The following RYR3 variants were observed in gnomAD, a reference collection of about 807,000 sequenced individuals.
RYR3 encodes ryanodine receptor 3.
In RYR3, 207 loss-of-function variants were observed where a neutral mutation model predicts 584.3. That is an observed-to-expected ratio of 0.35 (90% CI 0.32 to 0.40). RYR3 has a LOEUF of 0.40. RYR3 is among the 10% of genes least tolerant of loss of function. The pLI is 1.00. For missense variants in RYR3, 5,616 were observed against 6,089.2 expected, an observed-to-expected ratio of 0.92 and a Z score of 2.59; for synonymous variants, 2,416 against 2,248.5, an observed-to-expected ratio of 1.07 and a Z score of -2.11.
rs903801360 is a variant in RYR3, at chr15:33,401,209, C to T, written c.52-72210C>T. On this transcript the variant is annotated intron_variant, in intron 1 of 103. Coordinates refer to ENST00000634891, the MANE Select transcript of RYR3 (RefSeq NM_001036.6). ...TTGTTGGGGCAATCATCCTGAAGGG[C>T]AAGTGAGCTAAGACATCCTTGAATG... Among the ~76,000 whole-genome samples the T allele has an allele frequency of 3.9e-5, 6 of 152,164 alleles. No individual in the cohort carries two copies. The East Asian group carries it at 1.2e-3, about 29-fold the overall frequency.
At position 33,857,915 on chromosome 15, in the gene RYR3, G is replaced by A; in HGVS notation, c.14142+1G>A. ...TATGAAGTGCGACGACATGATGACG[G>A]TGAGAGCCCACCCACTGCGGGGCCA... On this transcript the variant is annotated splice_donor_variant, in intron 99 of 103. Coordinates refer to ENST00000634891, the MANE Select transcript of RYR3 (RefSeq NM_001036.6). LOFTEE classifies it high-confidence loss of function. The A allele has an allele frequency of 6.2e-7, 1 of 1,613,758 alleles. No homozygotes were observed. Among genetic ancestry groups the A allele is most frequent in the Non-Finnish European group, 8.5e-7 (1 of 1,180,012 alleles).
chr15:33,325,314 C>T (rs569648160), intron 1 of RYR3, among the ~76,000 whole-genome samples: 166 of 152,338 alleles, frequency 1.1e-3, no homozygotes, highest in African/African-American at 3.9e-3. Flanking sequence ...GCCCCCTCCA[C>T]TGGCATGTGT....
chr15:33,658,210 ATCT>A (rs1466918509), intron 32 of RYR3, among the ~76,000 whole-genome samples: 3 of 152,180 alleles, frequency 2.0e-5, no homozygotes, highest in Non-Finnish European at 2.9e-5. Context: ...AGAGCTCAGT[ATCT>A]TCTTCCATGC....
chr15:33,456,081 T>G (rs1035727575), intron 1 of RYR3, among the ~76,000 whole-genome samples: 1 of 152,218 alleles, frequency 6.6e-6, no homozygotes, highest in Non-Finnish European at 1.5e-5. Context: ...TTTATAGTAG[T>G]GTTTAACCCT....
intron 98 of RYR3, 168 bp downstream of exon 98, chr15:33,855,080 C>A: frequency 1.8e-6 from 1 of 547,978 alleles, no homozygotes; most frequent in Non-Finnish European, 2.8e-6. Flanking sequence ...AAATTGTAGC[C>A]AATTAAAAAT....
At chr15:33,515,383 A>G (rs2053420736) in intron 3 of RYR3, among the ~76,000 whole-genome samples, 1 of 152,244 alleles carries the variant, frequency 6.6e-6, no homozygotes, top group Non-Finnish European at 1.5e-5. Flanking sequence ...ACACAAATCC[A>G]TGCTTTATTA....
intron 1 of RYR3, among the ~76,000 whole-genome samples, chr15:33,315,460 A>G (rs2140473504): frequency 6.6e-6 from 1 of 152,302 alleles, no homozygotes; most frequent in African/African-American, 2.4e-5. Context: ...AGATACCCAG[A>G]CATGCAGTGT....
At chr15:33,326,538 AAG>A (rs1222579282) in intron 1 of RYR3, among the ~76,000 whole-genome samples, 5 of 152,320 alleles carry the variant, frequency 3.3e-5, no homozygotes, top group South Asian at 2.1e-4. Flanking sequence ...AAGATTTGAA[AAG>A]AGAGGGAACA....
In RYR3 at chr15:33,750,088, T is replaced by C. The variant is rs151204688; in HGVS notation, c.8275+34T>C. On this transcript the variant is annotated intron_variant, in intron 56 of 103. Coordinates refer to ENST00000634891, the MANE Select transcript of RYR3 (RefSeq NM_001036.6). ...GGTTCACAGCATCCCCTAAAGAAGC[T>C]GAACCGGGGCAGCTATGGTCTCCCA... 10 of 1,608,430 alleles carry C rather than the reference T, an allele frequency of 6.2e-6. No individual in the cohort carries two copies. In the African/African-American group the frequency reaches 1.3e-4, roughly 21 times the overall value.
At position 33,530,580 on chromosome 15, in the gene RYR3, T is replaced by C. The variant is rs375322559; in HGVS notation, c.280-12T>C. ...GGGCATGTGCTGACCTTATTCTTCC[T>C]CATTCCCACAGGCAGCACAAGGAGG... On this transcript the variant is annotated splice_polypyrimidine_tract_variant and intron_variant, in intron 3 of 103. Transcript: ENST00000634891. 1,324 of 1,604,644 alleles carry C rather than the reference T, an allele frequency of 8.3e-4. No homozygotes were observed. Among genetic ancestry groups the C allele is most frequent in the Non-Finnish European group, 1.1e-3 (1,264 of 1,171,818 alleles).
chr15:33,506,174 T>A (rs1374475023), intron 3 of RYR3, among the ~76,000 whole-genome samples: 1 of 152,168 alleles, frequency 6.6e-6, no homozygotes, highest in African/African-American at 2.4e-5. Flanking sequence ...TCATTCATGT[T>A]CCAAGTAGAA....
At chr15:33,590,943 A>G (rs1317113870) in intron 16 of RYR3, among the ~76,000 whole-genome samples, 1 of 152,176 alleles carries the variant, frequency 6.6e-6, no homozygotes, top group Non-Finnish European at 1.5e-5. Context: ...CCTTTCATGG[A>G]AATAACTGCC....
intron 65 of RYR3, among the ~76,000 whole-genome samples, chr15:33,783,663 T>A (rs756401115): frequency 6.6e-6 from 1 of 152,194 alleles, no homozygotes; most frequent in Non-Finnish European, 1.5e-5. Flanking sequence ...AGTTGTAAAT[T>A]TCAGTTGCGT....
At chr15:33,775,238 C>CT in intron 64 of RYR3, among the ~76,000 whole-genome samples, 1 of 152,142 alleles carries the variant, frequency 6.6e-6, no homozygotes, top group Middle Eastern at 3.4e-3. Flanking sequence ...GTCCCTATTG[C>CT]TTTTTTCTGT....
chr15:33,319,154 A>G (rs1968602525), intron 1 of RYR3, among the ~76,000 whole-genome samples: 1 of 152,234 alleles, frequency 6.6e-6, no homozygotes, highest in Non-Finnish European at 1.5e-5. Flanking sequence ...CAGCGGGACT[A>G]CAGGAAGGAA....
chr15:33,506,832 TG>T (rs2052528462), intron 3 of RYR3, among the ~76,000 whole-genome samples: 1 of 152,166 alleles, frequency 6.6e-6, no homozygotes, highest in Non-Finnish European at 1.5e-5. Flanking sequence ...CATTTACTAT[TG>T]GTATTTAATT....
At chr15:33,396,873 C>A (rs1356953948) in intron 1 of RYR3, among the ~76,000 whole-genome samples, 2 of 152,196 alleles carry the variant, frequency 1.3e-5, no homozygotes, top group East Asian at 3.8e-4. Context: ...CCTTCAACCC[C>A]CCTTTATAGA....
chr15:33,486,173 T>A (rs2050401861), intron 2 of RYR3, among the ~76,000 whole-genome samples: 1 of 152,212 alleles, frequency 6.6e-6, no homozygotes, highest in Non-Finnish European at 1.5e-5. Context: ...AGGGCTACTG[T>A]AACAAATTAC....
chr15:33,505,587 G>A (rs1361622151), intron 3 of RYR3, among the ~76,000 whole-genome samples: 2 of 152,128 alleles, frequency 1.3e-5, no homozygotes, highest in South Asian at 2.1e-4. Context: ...CGCCTCCCAG[G>A]TTCACACCAT....
Sources: gnomAD v4.1 joint callset for allele counts (sites outside exome capture counted in the v4.1 genomes callset) on GRCh38, gnomAD v4.1.1 for gene constraint, MANE v1.5 for transcripts, NCBI Gene and HGNC (gene_info 2026-07-23, HGNC 2026-07-21) for gene names.